Variants in RCHY1 observed in about 807,000 individuals in gnomAD.
RCHY1 encodes the protein RING finger and CHY zinc finger domain-containing protein 1.
RCHY1 carries 21 observed loss-of-function variants against 41.6 expected under a neutral mutation model. That is an observed-to-expected ratio of 0.51 (90% confidence interval 0.36 to 0.73). The LOEUF (loss-of-function observed/expected upper bound fraction) is 0.73. Among genes scored for constraint, RCHY1 ranks in the 30% least tolerant of loss-of-function variants. The pLI is 0.00. For missense variants in RCHY1, 265 were observed against 325.3 expected (o/e 0.81, Z 1.43); for synonymous variants, 79 against 102.9 (o/e 0.77, Z 1.41).
chr4:75,508,273 T>A (rs987107437), intron 3 of RCHY1, among the ~76,000 whole-genome samples: 4 of 152,144 alleles, frequency 2.6e-5, no homozygotes, highest in African/African-American at 7.2e-5. Context: ...AGACACACTT[T>A]ACATACATGC....
rs533761661 is a variant in RCHY1 at position 75,480,698 on chromosome 4, C to T, written c.*1840G>A. ...ACATGATTGGTTTGGCAGAATAATA[C>T]CAAACATAAAAAGTAATACATCTGG... On this transcript the variant is annotated 3_prime_UTR_variant, in exon 9 of 9. Coordinates refer to ENST00000324439, the MANE Select transcript of RCHY1 (RefSeq NM_015436.4). 8 of 152,232 alleles carry T rather than the reference C, an allele frequency of 5.3e-5. No homozygotes were observed. The highest frequency in any genetic ancestry group is 1.9e-4 in the African/African-American group (8 of 41,530). 9.4% of individuals were successfully genotyped at this position (152,232 alleles called of 1,614,324 possible). A position where few individuals can be genotyped will look rare whatever the true frequency, so the allele number is the denominator to read the frequency against.
chr4:75,497,961 G>C (rs563636182), intron 3 of RCHY1, among the ~76,000 whole-genome samples: 2 of 151,100 alleles, frequency 1.3e-5, no homozygotes, highest in African/African-American at 2.4e-5. Context: ...GATTACCCCC[G>C]GGACAGACTT....
rs1724615400 is a variant in RCHY1, at chr4:75,509,109, G to C, written c.210+68C>G. 9 of 1,433,166 alleles carry C rather than the reference G, an allele frequency of 6.3e-6. No homozygotes were observed. In the South Asian group the frequency reaches 7.6e-5, roughly 12 times the overall value. 88.8% of individuals were successfully genotyped at this position (1,433,166 alleles called of 1,614,324 possible). ...AAGAAATCTTATTTATGATACTTTT[G>C]ATTAAATTTTTTCAAACCACCTTAA... On this transcript the variant is annotated intron_variant, in intron 2 of 8. Transcript: ENST00000324439.
chr4:75,506,993 CA>C (rs1724382777), intron 3 of RCHY1, among the ~76,000 whole-genome samples: 1 of 151,924 alleles, frequency 6.6e-6, no homozygotes, highest in Admixed American at 6.6e-5. Context: ...GTTGGGAGGT[CA>C]GGGGAACCAA....
At chr4:75,495,206 A>T (rs1486239515) in intron 3 of RCHY1, among the ~76,000 whole-genome samples, 1 of 151,984 alleles carries the variant, frequency 6.6e-6, no homozygotes, top group Non-Finnish European at 1.5e-5. Flanking sequence ...GTAAAAAGTC[A>T]TCAATATTTT....
At chr4:75,492,689 A>G (rs1199893319) in intron 4 of RCHY1, among the ~76,000 whole-genome samples, 2 of 151,956 alleles carry the variant, frequency 1.3e-5, no homozygotes, top group Non-Finnish European at 2.9e-5. Context: ...AAGATAACTG[A>G]AAAACAACAT....
chr4:75,487,037 A>T (rs1722076587), intron 8 of RCHY1, among the ~76,000 whole-genome samples: 1 of 152,180 alleles, frequency 6.6e-6, no homozygotes, highest in South Asian at 2.1e-4. Context: ...TTGAAGGAAT[A>T]AAAAAGTGTA....
chr4:75,514,338 A>G lies in RCHY1; in HGVS notation c.-52T>C. ...CGATCCTTCCCCCAGGATAAAAACC[A>G]CGCCCAGAGAAGCTGCGCCTCTCTA... is the stretch of plus-strand genomic sequence containing the variant. On this transcript the variant is annotated 5_prime_UTR_variant, in exon 1 of 9. Coordinates refer to ENST00000324439, the MANE Select transcript of RCHY1 (RefSeq NM_015436.4). 6.4e-7 allele frequency: 1 copy of G among 1,570,128 alleles called. No individual in the cohort carries two copies.
At chr4:75,497,783 G>A (rs1723357716) in intron 3 of RCHY1, among the ~76,000 whole-genome samples, 1 of 151,624 alleles carries the variant, frequency 6.6e-6, no homozygotes, top group South Asian at 2.1e-4. Flanking sequence ...TAAACCAATG[G>A]ATTCAAAAAG....
chr4:75,501,946 C>CGG (rs1560525124), intron 3 of RCHY1, among the ~76,000 whole-genome samples: 2 of 152,004 alleles, frequency 1.3e-5, no homozygotes, highest in African/African-American at 4.8e-5. Flanking sequence ...GGCATGGTGG[C>CGG]ACATGCCTGT....
intron 1 of RCHY1, 167 bp downstream of exon 1, chr4:75,514,030 C>G: frequency 9.4e-7 from 1 of 1,064,762 alleles, no homozygotes; most frequent in Non-Finnish European, 1.3e-6. Context: ...TGGGGCTTAT[C>G]GCCTTGCCAA....
intron 3 of RCHY1, among the ~76,000 whole-genome samples, chr4:75,504,708 A>G (rs1724129979): frequency 6.6e-6 from 1 of 152,182 alleles, no homozygotes; most frequent in Admixed American, 6.5e-5. Flanking sequence ...GGACACTGAC[A>G]TATTTGAGCA....
At chr4:75,483,991 C>CT (rs1721767888) in intron 8 of RCHY1, among the ~76,000 whole-genome samples, 1 of 152,114 alleles carries the variant, frequency 6.6e-6, no homozygotes, top group Non-Finnish European at 1.5e-5. Flanking sequence ...CAGAAACAAC[C>CT]TTTTATGCTT....
intron 3 of RCHY1, among the ~76,000 whole-genome samples, chr4:75,506,818 T>C (rs1323176189): frequency 6.6e-6 from 1 of 151,940 alleles, no homozygotes; most frequent in Non-Finnish European, 1.5e-5. Flanking sequence ...GCCAGATAAA[T>C]ATTACACTCA....
intron 3 of RCHY1, among the ~76,000 whole-genome samples, chr4:75,507,960 T>C (rs1266275673): frequency 6.6e-6 from 1 of 152,094 alleles, no homozygotes; most frequent in African/African-American, 2.4e-5. Context: ...GCTATGAATG[T>C]TGTGTTTCTT....
At chr4:75,513,988 T>C (rs1196511551) in intron 1 of RCHY1, 2 of 637,140 alleles carry the variant, frequency 3.1e-6, no homozygotes, top group Non-Finnish European at 5.0e-6. Context: ...AAGAAGGGTT[T>C]TGCTTTAAAG....
At position 75,482,814 on chromosome 4, in the gene RCHY1, T is replaced by A. The variant is rs1387488580; in HGVS notation, c.658-148A>T. On this transcript the variant is annotated intron_variant, in intron 8 of 8. Coordinates refer to ENST00000324439, the MANE Select transcript of RCHY1 (RefSeq NM_015436.4). Reference sequence around the variant, plus strand: ...TCCAAAAGTAGAAATTTCTTCTTATTTTTTCACTGAAAACTCTAAAAAGCT... The same window carrying A: ...TCCAAAAGTAGAAATTTCTTCTTATATTTTCACTGAAAACTCTAAAAAGCT... 1.2e-5 allele frequency: 6 copies of A among 508,172 alleles called. No individual in the cohort carries two copies. In the Admixed American group the frequency reaches 2.1e-4, roughly 18 times the overall value. 31.5% of individuals were successfully genotyped at this position (508,172 alleles called of 1,614,324 possible).
intron 1 of RCHY1, 154 bp from the exon 2 acceptor site, chr4:75,509,450 AC>A: frequency 1.7e-6 from 1 of 595,850 alleles, no homozygotes; most frequent in Admixed American, 3.2e-5. Context: ...ATAACATTTC[AC>A]TAGTTTCTTG....
chr4:75,501,200 G>C (rs1723722125), intron 3 of RCHY1, among the ~76,000 whole-genome samples: 1 of 152,090 alleles, frequency 6.6e-6, no homozygotes, highest in Non-Finnish European at 1.5e-5. Context: ...GTAGAGACAG[G>C]GTTTCTCCAT....
Sources: gnomAD v4.1 joint callset for allele counts (sites outside exome capture counted in the v4.1 genomes callset) on GRCh38, gnomAD v4.1.1 for gene constraint, MANE v1.5 for transcripts, NCBI Gene and HGNC (gene_info 2026-07-23, HGNC 2026-07-21) for gene names.